KIAA0586: variants seen among roughly 807,000 people sequenced by gnomAD.
KIAA0586 encodes the protein KIAA0586.
A neutral mutation model predicts 169.8 loss-of-function variants in KIAA0586; 144 were observed. That is an observed-to-expected ratio of 0.85 (90% confidence interval 0.74 to 0.97). The LOEUF (loss-of-function observed/expected upper bound fraction) is 0.97, where lower values mean the gene tolerates loss of function less well. Among genes scored for constraint, KIAA0586 ranks in the 50% least tolerant of loss-of-function variants. KIAA0586 has a pLI of 0.00. For synonymous variants in KIAA0586, 625 were observed against 612.4 expected, an observed-to-expected ratio of 1.02 and a Z score of -0.30; for missense variants, 1,854 against 1,823.0, an observed-to-expected ratio of 1.02 and a Z score of -0.31.
intron 27 of KIAA0586, among the ~76,000 whole-genome samples, chr14:58,502,198 C>T (rs1046801635): frequency 2.0e-5 from 3 of 151,882 alleles, no homozygotes; most frequent in East Asian, 1.9e-4. Context: ...TGCAGTGGTG[C>T]GATCTCAGCT....
At chr14:58,552,518 G>GTA (rs2047220027), downstream of KIAA0586, among the ~76,000 whole-genome samples, 1 of 152,132 alleles carries the variant, frequency 6.6e-6, no homozygotes, top group Admixed American at 6.5e-5. Flanking sequence ...GGTCTTTATA[G>GTA]TATGAATGGT....
At chr14:58,556,107 T>C (rs2047239614), downstream of KIAA0586, among the ~76,000 whole-genome samples, 1 of 152,228 alleles carries the variant, frequency 6.6e-6, no homozygotes. Flanking sequence ...AGTAAAAATA[T>C]CCACTTTGTT....
intron 20 of KIAA0586, among the ~76,000 whole-genome samples, chr14:58,480,007 A>G (rs537579830): frequency 1.3e-5 from 2 of 151,806 alleles, no homozygotes; most frequent in Non-Finnish European, 2.9e-5. Flanking sequence ...GTTTATCATT[A>G]TCTCTACTTT....
At chr14:58,500,434 C>A (rs1365887123) in intron 27 of KIAA0586, among the ~76,000 whole-genome samples, 1 of 152,030 alleles carries the variant, frequency 6.6e-6, no homozygotes, top group African/African-American at 2.4e-5. Flanking sequence ...AGGCCAGATG[C>A]AGTGGCTCAC....
rs565934102 is a variant in KIAA0586, at chr14:58,492,730, A to G, written c.3990+455A>G. 5.4e-4 allele frequency among the ~76,000 whole-genome samples: 82 copies of G among 152,354 alleles called. No individual in the cohort carries two copies. In the South Asian group the frequency reaches 8.1e-3, roughly 15 times the overall value. ...AGGAGAAAAGACTCTGCCTGAAGTT[A>G]GATGACACTTCATACACAATATTAC... On this transcript the variant is annotated intron_variant, in intron 26 of 30. Coordinates refer to ENST00000652326, the MANE Select transcript of KIAA0586 (RefSeq NM_001329943.3).
At chr14:58,514,322 G>A (rs2141502387) in intron 29 of KIAA0586, among the ~76,000 whole-genome samples, 1 of 151,990 alleles carries the variant, frequency 6.6e-6, no homozygotes, top group African/African-American at 2.4e-5. Flanking sequence ...TGACCTTGAA[G>A]GAATTCAATC....
Position 58,427,806 on chromosome 14 carries a change from C to T in KIAA0586, c.-459C>T. 4 of 1,502,180 alleles carry T rather than the reference C, an allele frequency of 2.7e-6. No homozygotes were observed. The South Asian group carries it at 5.1e-5, about 19-fold the overall frequency. 93.1% of individuals were successfully genotyped at this position (1,502,180 alleles called of 1,614,324 possible). ...GAATTTATGTTTCCGACGATTGCAT[C>T]TGGAGGGGTGTGTAAGACTCTGTGG... is the stretch of plus-strand genomic sequence containing the variant. On this transcript the variant is annotated 5_prime_UTR_variant, in exon 1 of 31. Coordinates refer to ENST00000652326, the MANE Select transcript of KIAA0586 (RefSeq NM_001329943.3).
Position 58,477,249 on chromosome 14 carries a change from A to C in KIAA0586, c.2944+8A>C, listed in dbSNP as rs571616049. The C allele has an allele frequency of 1.9e-4, 268 of 1,418,560 alleles. 6 individuals are homozygous for C. In the South Asian group the frequency reaches 3.2e-3, roughly 17 times the overall value. 87.9% of individuals were successfully genotyped at this position (1,418,560 alleles called of 1,614,324 possible). A position where few individuals can be genotyped will look rare whatever the true frequency, so the allele number is the denominator to read the frequency against. On this transcript the variant is annotated splice_region_variant and intron_variant, in intron 20 of 30. Transcript: ENST00000652326. ...CACTGACTTCTGACATTGGTAAGTG[A>C]AATAGAATTTTTTTTTGTTTTTATT...
At chr14:58,467,194 A>G (rs1245764209) in intron 15 of KIAA0586, among the ~76,000 whole-genome samples, 2 of 152,356 alleles carry the variant, frequency 1.3e-5, no homozygotes, top group South Asian at 4.1e-4. Context: ...TGCCCGGTAC[A>G]GTTCTGAGCA....
chr14:58,460,601 C>T (rs1406696971), intron 13 of KIAA0586, among the ~76,000 whole-genome samples: 3 of 151,974 alleles, frequency 2.0e-5, no homozygotes, highest in Non-Finnish European at 4.4e-5. Flanking sequence ...AGTAAATGCT[C>T]CCTTTCTGTG....
At chr14:58,494,240 A>T (rs546265728) in intron 26 of KIAA0586, among the ~76,000 whole-genome samples, 4 of 149,864 alleles carry the variant, frequency 2.7e-5, no homozygotes, top group Non-Finnish European at 5.9e-5. Context: ...GAACTCCCCA[A>T]TCTGATCTGC....
chr14:58,427,604 A>G, upstream of KIAA0586: 3 of 1,535,668 alleles, frequency 2.0e-6, no homozygotes, highest in Non-Finnish European at 2.6e-6. Context: ...GAAGAGCACC[A>G]GAGAGCGCTT....
intron 25 of KIAA0586, among the ~76,000 whole-genome samples, chr14:58,491,400 C>T (rs2042825492): frequency 6.6e-6 from 1 of 152,154 alleles, no homozygotes; most frequent in Non-Finnish European, 1.5e-5. Context: ...GGCATTTTAT[C>T]TATACATAGC....
At chr14:58,506,237 CAAAT>C (rs66697066) in intron 27 of KIAA0586, among the ~76,000 whole-genome samples, 6,724 of 151,976 alleles carry the variant, frequency 0.044, 201 homozygotes, top group Middle Eastern at 0.075. Flanking sequence ...TATAAAGAGA[CAAAT>C]AAAGCCTGAA....
At chr14:58,561,167 G>A in the KIAA0586 span, among the ~76,000 whole-genome samples, 5 of 152,252 alleles carry the variant, frequency 3.3e-5, no homozygotes, top group African/African-American at 1.2e-4. Context: ...CATGATTATT[G>A]CAGTCACATT....
At chr14:58,486,735 A>G (rs1415216488) in intron 21 of KIAA0586, among the ~76,000 whole-genome samples, 2 of 152,202 alleles carry the variant, frequency 1.3e-5, no homozygotes, top group Non-Finnish European at 2.9e-5. Flanking sequence ...ACACTTATAC[A>G]CTGTTGGTAG....
intron 29 of KIAA0586, chr14:58,537,042 C>G (rs1327029185): frequency 7.9e-7 from 1 of 1,266,862 alleles, no homozygotes; most frequent in African/African-American, 1.5e-5. Flanking sequence ...TAAGAACTGA[C>G]AAACTTGAGA....
intron 29 of KIAA0586, 178 bp from the exon 30 acceptor site, chr14:58,539,893 T>A: frequency 2.0e-6 from 1 of 495,546 alleles, no homozygotes; most frequent in Admixed American, 3.8e-5. Flanking sequence ...TCATTAAAAT[T>A]CAGCTGTTTA....
intron 14 of KIAA0586, among the ~76,000 whole-genome samples, 173 bp downstream of exon 14, chr14:58,461,333 T>A (rs2040306430): frequency 6.6e-6 from 1 of 152,160 alleles, no homozygotes; most frequent in Non-Finnish European, 1.5e-5. Flanking sequence ...AGACCAACAT[T>A]TTAAAAAAGA....
Sources: gnomAD v4.1 joint callset for allele counts (sites outside exome capture counted in the v4.1 genomes callset) on GRCh38, gnomAD v4.1.1 for gene constraint, MANE v1.5 for transcripts, NCBI Gene and HGNC (gene_info 2026-07-23, HGNC 2026-07-21) for gene names.